LRRC7: variants seen among roughly 807,000 people sequenced by gnomAD.
LRRC7 encodes the protein leucine-rich repeat-containing protein 7.
Under a neutral mutation model 175.7 loss-of-function variants are expected in LRRC7, and 23 were observed. The ratio of observed to expected loss-of-function variants is 0.13; its 90% CI spans 0.09 to 0.19. LRRC7 has a LOEUF of 0.19. Ranked by LOEUF, LRRC7 falls within the 10% of genes least tolerant of loss-of-function variation. The pLI is 1.00. For synonymous variants in LRRC7, 685 were observed against 680.9 expected, an observed-to-expected ratio of 1.01 and a Z score of -0.09; for missense variants, 1,354 against 1,904.7, an observed-to-expected ratio of 0.71 and a Z score of 5.38.
chr1:69,704,845 T>G (rs1318154083), intron 2 of LRRC7, among the ~76,000 whole-genome samples: 1 of 152,056 alleles, frequency 6.6e-6, no homozygotes, highest in Non-Finnish European at 1.5e-5. Flanking sequence ...CAAATTATCT[T>G]AAGCATTACA....
In LRRC7 at chr1:69,664,550, G is replaced by A. The variant is rs771731884; in HGVS notation, c.3-13831G>A. On this transcript the variant is annotated intron_variant, in intron 1 of 26. Coordinates refer to ENST00000651989, the MANE Select transcript of LRRC7 (RefSeq NM_001370785.2). ...TTGCAGTTTTGATTTGCATTTCTCC[G>A]ATTTTCAGTGATGTTGACCACATTT... Among the ~76,000 whole-genome samples the A allele has an allele frequency of 1.5e-4, 23 of 152,154 alleles. 1 individual carries two copies. The highest frequency in any genetic ancestry group is 4.2e-4 in the South Asian group (2 of 4,812).
intron 1 of LRRC7, among the ~76,000 whole-genome samples, chr1:69,586,077 A>C (rs188801871): frequency 7.0e-4 from 106 of 152,338 alleles, no homozygotes; most frequent in African/African-American, 2.4e-3. Context: ...AAGTACCAAG[A>C]GCTAGTCTGA....
intron 2 of LRRC7, among the ~76,000 whole-genome samples, chr1:69,712,648 A>G (rs1664901420): frequency 6.6e-6 from 1 of 152,162 alleles, no homozygotes; most frequent in Non-Finnish European, 1.5e-5. Context: ...CATTAGGGCT[A>G]GTATTCTGGT....
chr1:70,096,216 A>G (rs930823662), intron 25 of LRRC7, among the ~76,000 whole-genome samples: 7 of 152,346 alleles, frequency 4.6e-5, no homozygotes, highest in Non-Finnish European at 8.8e-5. Context: ...ACCTCAGGTG[A>G]TCCGCCTGCC....
chr1:69,920,687 G>C (rs1429920346), intron 7 of LRRC7, among the ~76,000 whole-genome samples: 1 of 152,144 alleles, frequency 6.6e-6, no homozygotes, highest in Non-Finnish European at 1.5e-5. Flanking sequence ...ATTGCAGAAA[G>C]ACCTCTGGTC....
At chr1:69,656,851 C>T (rs934829347) in intron 1 of LRRC7, among the ~76,000 whole-genome samples, 6 of 150,728 alleles carry the variant, frequency 4.0e-5, no homozygotes, top group African/African-American at 1.5e-4. Flanking sequence ...TTGGGTATAA[C>T]AATAACAATA....
intron 7 of LRRC7, among the ~76,000 whole-genome samples, chr1:69,847,792 A>G (rs1005839774): frequency 2.0e-5 from 3 of 152,006 alleles, no homozygotes; most frequent in African/African-American, 7.2e-5. Context: ...CATCTCTACC[A>G]TTGGAATACA....
chr1:69,599,537 T>G (rs1646970452), intron 1 of LRRC7, among the ~76,000 whole-genome samples: 1 of 152,224 alleles, frequency 6.6e-6, no homozygotes, highest in Non-Finnish European at 1.5e-5. Flanking sequence ...TCTGATTATA[T>G]ATGCTTTAGA....
chr1:70,100,775 T>C (rs1279402006), intron 25 of LRRC7, among the ~76,000 whole-genome samples: 1 of 152,082 alleles, frequency 6.6e-6, no homozygotes, highest in Non-Finnish European at 1.5e-5. Flanking sequence ...CTTTTCTTTC[T>C]TTCTCCCTCT....
intron 2 of LRRC7, among the ~76,000 whole-genome samples, chr1:69,700,322 A>G (rs978636326): frequency 6.6e-6 from 1 of 152,228 alleles, no homozygotes; most frequent in South Asian, 2.1e-4. Flanking sequence ...GAGTTAATGT[A>G]TGTAAAGCAT....
chr1:69,694,434 C>G (rs1045632845), intron 2 of LRRC7, among the ~76,000 whole-genome samples: 6 of 152,036 alleles, frequency 3.9e-5, no homozygotes, highest in African/African-American at 9.7e-5. Flanking sequence ...ATTTTTTTCT[C>G]CTCTTGGAGA....
At chr1:69,972,892 G>A (rs1244793661) in intron 8 of LRRC7, among the ~76,000 whole-genome samples, 1 of 146,752 alleles carries the variant, frequency 6.8e-6, no homozygotes, top group Non-Finnish European at 1.5e-5. Context: ...TGAGTGGATA[G>A]GGAAACTGTT....
intron 3 of LRRC7, among the ~76,000 whole-genome samples, chr1:69,767,218 T>C (rs748997520): frequency 1.3e-5 from 2 of 152,198 alleles, no homozygotes; most frequent in Non-Finnish European, 2.9e-5. Flanking sequence ...TTCCTTTTTA[T>C]TGACAAATAA....
intron 3 of LRRC7, among the ~76,000 whole-genome samples, chr1:69,764,741 A>ACAGACAGACAG (rs1671426738): frequency 6.8e-6 from 1 of 146,126 alleles, no homozygotes; most frequent in African/African-American, 2.5e-5. Flanking sequence ...AGATAGATAG[A>ACAGACAGACAG]TAGATAGATA....
At chr1:69,568,747 G>T in intron 1 of LRRC7, 106 bp downstream of exon 1, 1 of 777,714 alleles carries the variant, frequency 1.3e-6, no homozygotes, top group South Asian at 2.4e-5. Flanking sequence ...CGGGGGCGGG[G>T]GTGGCAGGGC....
intron 2 of LRRC7, among the ~76,000 whole-genome samples, chr1:69,729,097 G>T (rs1381472706): frequency 2.6e-5 from 4 of 152,116 alleles, no homozygotes; most frequent in African/African-American, 9.7e-5. Flanking sequence ...CACAAGAGCA[G>T]CACAAGGGGG....
At chr1:69,783,540 T>C (rs955004832) in intron 3 of LRRC7, among the ~76,000 whole-genome samples, 2 of 152,180 alleles carry the variant, frequency 1.3e-5, no homozygotes, top group African/African-American at 4.8e-5. Flanking sequence ...GCAGATCACC[T>C]GAGGTCAGGA....
chr1:69,947,398 C>A (rs1007037936), intron 8 of LRRC7, among the ~76,000 whole-genome samples: 1 of 151,682 alleles, frequency 6.6e-6, no homozygotes, highest in African/African-American at 2.4e-5. Flanking sequence ...TGTTTTGACT[C>A]CTATTTCATT....
intron 18 of LRRC7, among the ~76,000 whole-genome samples, chr1:70,029,379 G>T (rs190327253): frequency 1.3e-5 from 2 of 152,168 alleles, no homozygotes; most frequent in East Asian, 3.9e-4. Context: ...GAGGAAAAGG[G>T]AGGAGGGCAT....
Sources: gnomAD v4.1 joint callset for allele counts (sites outside exome capture counted in the v4.1 genomes callset) on GRCh38, gnomAD v4.1.1 for gene constraint, MANE v1.5 for transcripts, NCBI Gene and HGNC (gene_info 2026-07-23, HGNC 2026-07-21) for gene names.